Variants in MBNL3 observed in about 807,000 individuals in gnomAD.
MBNL3 encodes the protein muscleblind like splicing regulator 3, also known as muscleblind-like protein 3.
A neutral mutation model predicts 24.5 loss-of-function variants in MBNL3; 6 were observed. The observed-to-expected ratio is 0.25, with a 90% CI of 0.13 to 0.48. The LOEUF (loss-of-function observed/expected upper bound fraction) is 0.48, where lower values mean the gene tolerates loss of function less well. Ranked by LOEUF, MBNL3 falls within the 20% of genes least tolerant of loss-of-function variation. MBNL3 has a pLI of 0.99. For missense variants in MBNL3, 230 were observed against 293.5 expected (o/e 0.78, Z 1.58); for synonymous variants, 100 against 101.7 (o/e 0.98, Z 0.10).
At chrX:132,424,275 C>T (rs1426106807) in intron 2 of MBNL3, among the ~76,000 whole-genome samples, 1 of 111,933 alleles carries the variant, frequency 8.9e-6, no homozygotes, top group African/African-American at 3.3e-5. Context: ...AAGATTATGC[C>T]ATGGAAACTG....
chrX:132,484,672 T>C lies in MBNL3; in HGVS notation c.-704+4179A>G, dbSNP rs376208625. On this transcript the variant is annotated intron_variant, in intron 1 of 8. Transcript: ENST00000370853. ...CCTCTAGTCTCTACTGCCAACCCCC[T>C]GCATTTCTGTCCAGGTTGCCTTTTC... Among the ~76,000 whole-genome samples the C allele has an allele frequency of 4.2e-4, 47 of 111,704 alleles. No individual in the cohort carries two copies. The South Asian group carries it at 0.016, about 39-fold the overall frequency.
chrX:132,454,082 A>G (rs1279819606), intron 1 of MBNL3, among the ~76,000 whole-genome samples: 1 of 111,706 alleles, frequency 9.0e-6, no homozygotes, highest in African/African-American at 3.3e-5. Flanking sequence ...ACAGAGGGAA[A>G]TTCTGTCTCA....
intron 2 of MBNL3, among the ~76,000 whole-genome samples, chrX:132,426,422 T>C (rs970174391): frequency 9.0e-6 from 1 of 111,431 alleles, no homozygotes; most frequent in Middle Eastern, 4.2e-3. Context: ...ACCTTAATAT[T>C]TCATACCTTC....
At chrX:132,407,975 C>T (rs1192196401) in intron 2 of MBNL3, among the ~76,000 whole-genome samples, 1 of 109,155 alleles carries the variant, frequency 9.2e-6, no homozygotes, top group Non-Finnish European at 1.9e-5. Flanking sequence ...CTCTTGCTCT[C>T]CTCTCTAATC....
At chrX:132,484,212 A>G (rs1947886214) in intron 1 of MBNL3, among the ~76,000 whole-genome samples, 1 of 112,012 alleles carries the variant, frequency 8.9e-6, no homozygotes, top group Non-Finnish European at 1.9e-5. Context: ...GGCCTCTAGC[A>G]GAACAGTCAT....
chrX:132,439,388 C>A, intron 2 of MBNL3, 47 bp downstream of exon 2: 1 of 1,080,832 alleles, frequency 9.3e-7, no homozygotes, highest in Non-Finnish European at 1.2e-6. Context: ...TTTCAAAAAA[C>A]ATAGAAATCA....
chrX:132,375,339 C>A lies in MBNL3; in HGVS notation c.*4327G>T, dbSNP rs1401687452. ...GTGAACTGTAAAGGATAGTTTTGGA[C>A]TATAATCTGTATCTTGTCATACTTC... On this transcript the variant is annotated 3_prime_UTR_variant, in exon 9 of 9. Coordinates refer to ENST00000370853, the MANE Select transcript of MBNL3 (RefSeq NM_001386889.1). The A allele has an allele frequency of 9.0e-6, 1 of 111,077 alleles. No homozygotes were observed. The highest frequency in any genetic ancestry group is 3.3e-5 in the African/African-American group (1 of 30,645). The allele number at this position is 111,077 out of a possible 1,213,427, so 9.2% of individuals were successfully genotyped here.
intron 1 of MBNL3, among the ~76,000 whole-genome samples, chrX:132,458,307 TAA>T (rs370390027): frequency 2.0e-5 from 2 of 99,164 alleles, no homozygotes; most frequent in Admixed American, 2.2e-4. Flanking sequence ...TACCCTTCAT[TAA>T]AAAAAAAAAA....
At chrX:132,408,279 G>GC (rs917972952) in intron 2 of MBNL3, among the ~76,000 whole-genome samples, 4 of 106,448 alleles carry the variant, frequency 3.8e-5, no homozygotes, top group Non-Finnish European at 7.7e-5. Flanking sequence ...TAATTCCTAT[G>GC]CTTTGGGGTA....
intron 7 of MBNL3, among the ~76,000 whole-genome samples, chrX:132,383,893 T>A (rs2148052478): frequency 8.9e-6 from 1 of 111,786 alleles, no homozygotes; most frequent in East Asian, 2.8e-4. Context: ...GGATCATTTC[T>A]CCTTGCATAG....
At chrX:132,459,039 A>T (rs1035024282) in intron 1 of MBNL3, among the ~76,000 whole-genome samples, 9 of 104,331 alleles carry the variant, frequency 8.6e-5, no homozygotes, top group African/African-American at 2.5e-4. Flanking sequence ...AGAGTCAATG[A>T]CTGCATTCAA....
At chrX:132,434,840 A>C (rs945035788) in intron 2 of MBNL3, among the ~76,000 whole-genome samples, 1 of 111,590 alleles carries the variant, frequency 9.0e-6, no homozygotes, top group African/African-American at 3.3e-5. Context: ...GGAACAGAAA[A>C]ATAACATTAG....
intron 5 of MBNL3, among the ~76,000 whole-genome samples, chrX:132,390,122 G>A (rs1304080125): frequency 9.2e-6 from 1 of 108,155 alleles, no homozygotes; most frequent in East Asian, 2.9e-4. Context: ...GAACCTGGGA[G>A]GCGGAGGTTA....
intron 1 of MBNL3, among the ~76,000 whole-genome samples, chrX:132,463,602 A>G (rs950337371): frequency 5.3e-5 from 6 of 112,280 alleles, no homozygotes; most frequent in Admixed American, 3.8e-4. Context: ...GTTACAACTT[A>G]TAACCACGCA....
chrX:132,460,588 G>A (rs1208358004), intron 1 of MBNL3, among the ~76,000 whole-genome samples: 1 of 112,239 alleles, frequency 8.9e-6, no homozygotes, highest in Non-Finnish European at 1.9e-5. Flanking sequence ...CTGGCACAGA[G>A]TAAATACTAA....
chrX:132,452,278 G>C (rs181586803), intron 1 of MBNL3, among the ~76,000 whole-genome samples: 1 of 112,441 alleles, frequency 8.9e-6, no homozygotes, highest in East Asian at 2.8e-4. Flanking sequence ...GCCATTAAAA[G>C]GTCTTCTTTC....
chrX:132,394,862 T>C (rs1402021029), intron 3 of MBNL3, among the ~76,000 whole-genome samples: 1 of 111,955 alleles, frequency 8.9e-6, no homozygotes, highest in Non-Finnish European at 1.9e-5. Flanking sequence ...GTTTGTTATA[T>C]GCTCCAAGTG....
chrX:132,396,604 CTATATATATTCATATATATATTCA>C lies in MBNL3; in HGVS notation c.343-4294_343-4271del, dbSNP rs1235144014. ...CCTATATATATTCCTATATATATTCCTATATATATTCATATATATATTCATATATATTCACATATATATATTCAC... is the reference window on the plus strand; with the variant it reads ...CCTATATATATTCCTATATATATTCCTATATATTCACATATATATATTCAC... On this transcript the variant is annotated intron_variant, in intron 3 of 8. Transcript: ENST00000370853. Among the ~76,000 whole-genome samples the C allele has an allele frequency of 5.2e-4, 9 of 17,446 alleles. No homozygotes were observed. The East Asian group carries it at 9.9e-3, about 19-fold the overall frequency. 15.1% of individuals were successfully genotyped at this position (17,446 alleles called of 115,157 possible). A position where few individuals can be genotyped will look rare whatever the true frequency, so the allele number is the denominator to read the frequency against.
chrX:132,478,967 G>A lies in MBNL3; in HGVS notation c.-704+9884C>T, dbSNP rs925517245. On this transcript the variant is annotated intron_variant, in intron 1 of 8. Coordinates refer to ENST00000370853, the MANE Select transcript of MBNL3 (RefSeq NM_001386889.1). ...TTTGCTAAACAAAATAATAATGTCCGGGCCCGGCACGGTGGCTCACGCCTG... is the reference window on the plus strand; with the variant it reads ...TTTGCTAAACAAAATAATAATGTCCAGGCCCGGCACGGTGGCTCACGCCTG... Among the ~76,000 whole-genome samples the A allele has an allele frequency of 2.7e-5, 3 of 111,913 alleles. No individual in the cohort carries two copies. The Admixed American group carries it at 2.8e-4, about 11-fold the overall frequency.
Sources: gnomAD v4.1 joint callset for allele counts (sites outside exome capture counted in the v4.1 genomes callset) on GRCh38, gnomAD v4.1.1 for gene constraint, MANE v1.5 for transcripts, NCBI Gene and HGNC (gene_info 2026-07-23, HGNC 2026-07-21) for gene names.